Variants in USH2A observed in about 807,000 individuals in gnomAD.
USH2A encodes the protein usherin.
A neutral mutation model predicts 538.9 loss-of-function variants in USH2A; 443 were observed. The ratio of observed to expected loss-of-function variants is 0.82; its 90% CI spans 0.76 to 0.89. USH2A has a LOEUF of 0.89. Ranked by LOEUF, USH2A falls within the 40% of genes least tolerant of loss-of-function variation. The pLI, the probability that USH2A is intolerant of heterozygous loss-of-function variation, is 0.00. For synonymous variants in USH2A, 2,413 were observed against 2,273.5 expected (o/e 1.06, Z -1.75); for missense variants, 6,633 against 6,324.8 (o/e 1.05, Z -1.65).
Position 216,065,434 on chromosome 1 carries a change from T to TA in USH2A, c.6049+4666dup, listed in dbSNP as rs1223361032. Reference sequence around the variant, plus strand: ...AGAATATTGAACATTTTAAGGGTGTTATATTAACTACATAAAATATTTTTT... The same window carrying TA: ...AGAATATTGAACATTTTAAGGGTGTTAATATTAACTACATAAAATATTTTTT... On this transcript the variant is annotated intron_variant, in intron 30 of 71. Transcript: ENST00000307340. Among the ~76,000 whole-genome samples, 5 of 152,262 alleles carry TA rather than the reference T, an allele frequency of 3.3e-5. No homozygotes were observed. In the East Asian group the frequency reaches 9.6e-4, roughly 29 times the overall value.
intron 23 of USH2A, among the ~76,000 whole-genome samples, chr1:216,088,095 A>G (rs1429308448): frequency 6.6e-6 from 1 of 152,106 alleles, no homozygotes; most frequent in Non-Finnish European, 1.5e-5. Flanking sequence ...GGTCCTTGAC[A>G]TGCCACATGT....
intron 58 of USH2A, among the ~76,000 whole-genome samples, chr1:215,745,748 A>G (rs975505891): frequency 1.3e-5 from 2 of 152,236 alleles, no homozygotes; most frequent in African/African-American, 2.4e-5. Context: ...ATCAACACTT[A>G]TATCAATATA....
At chr1:216,201,700 CT>C in intron 16 of USH2A, 1 of 210,748 alleles carries the variant, frequency 4.7e-6, no homozygotes, top group Non-Finnish European at 1.1e-5. Flanking sequence ...TGGGGGGCAC[CT>C]TGGGCACTGA....
chr1:216,382,147 C>T (rs1558063548), intron 3 of USH2A, among the ~76,000 whole-genome samples: 2 of 152,030 alleles, frequency 1.3e-5, no homozygotes, highest in Admixed American at 6.6e-5. Context: ...GGGAACAACA[C>T]TAAATAAGGT....
intron 9 of USH2A, among the ~76,000 whole-genome samples, chr1:216,316,504 T>C (rs941295976): frequency 6.6e-6 from 1 of 152,116 alleles, no homozygotes; most frequent in Non-Finnish European, 1.5e-5. Context: ...AGGATATACA[T>C]AGTAGTGAAT....
chr1:215,768,741 C>A (rs1159795077), intron 55 of USH2A, among the ~76,000 whole-genome samples: 1 of 152,170 alleles, frequency 6.6e-6, no homozygotes, highest in African/African-American at 2.4e-5. Flanking sequence ...TTTAGCTCGA[C>A]AATGTCTCCC....
intron 4 of USH2A, among the ~76,000 whole-genome samples, chr1:216,345,516 T>G (rs1571724004): frequency 6.6e-6 from 1 of 152,146 alleles, no homozygotes; most frequent in Non-Finnish European, 1.5e-5. Flanking sequence ...CCAGTGAGAC[T>G]TCTGTCCTCT....
intron 26 of USH2A, 43 bp downstream of exon 26, chr1:216,083,413 G>A (rs1292148019): frequency 1.3e-6 from 2 of 1,593,350 alleles, no homozygotes; most frequent in South Asian, 2.2e-5. Context: ...TTAAAGTTGG[G>A]TCCTATATTT....
chr1:216,267,450 G>A (rs990581089), intron 11 of USH2A, among the ~76,000 whole-genome samples: 3 of 152,026 alleles, frequency 2.0e-5, no homozygotes, highest in Admixed American at 2.0e-4. Context: ...TGAGACCATC[G>A]CCACAGAAGA....
chr1:215,786,923 A>T, intron 51 of USH2A, 49 bp from the exon 52 acceptor site: 1 of 1,574,824 alleles, frequency 6.3e-7, no homozygotes, highest in East Asian at 2.2e-5. Context: ...TAAAAATTTC[A>T]TTTAGACATA....
rs897445139 is a variant in USH2A, at chr1:216,367,569, A to G, written c.652-2484T>C. Among the ~76,000 whole-genome samples the G allele has an allele frequency of 7.2e-5, 11 of 152,168 alleles. No homozygotes were observed. The East Asian group carries it at 1.7e-3, about 24-fold the overall frequency. On this transcript the variant is annotated intron_variant, in intron 3 of 71. Transcript: ENST00000307340. The stretch of plus-strand genomic sequence containing the variant: ...AACTCATCACATATTTGCTTAGTAG[A>G]AGAATTCAGTGTCACTTGCAGTGAA...
chr1:216,252,211 A>G (rs961097180), intron 11 of USH2A, among the ~76,000 whole-genome samples: 5 of 152,232 alleles, frequency 3.3e-5, no homozygotes, highest in Non-Finnish European at 7.3e-5. Context: ...TAAACTCTTC[A>G]TAAGTGGACA....
At chr1:216,203,227 A>ATG (rs2035036800) in intron 16 of USH2A, among the ~76,000 whole-genome samples, 1 of 151,852 alleles carries the variant, frequency 6.6e-6, no homozygotes, top group Non-Finnish European at 1.5e-5. Flanking sequence ...ACATACATAT[A>ATG]TGTATATATA....
At chr1:215,966,841 G>A (rs1453377938) in intron 36 of USH2A, among the ~76,000 whole-genome samples, 1 of 152,034 alleles carries the variant, frequency 6.6e-6, no homozygotes, top group African/African-American at 2.4e-5. Flanking sequence ...GAAGAATTAA[G>A]GGCAATTCCA....
chr1:215,889,625 G>T (rs981816159), intron 40 of USH2A, among the ~76,000 whole-genome samples: 10 of 152,120 alleles, frequency 6.6e-5, no homozygotes, highest in African/African-American at 2.4e-4. Context: ...GACAGAAGCT[G>T]CCGATTTAGC....
At chr1:215,627,450 TTCC>T (rs1656089395) in intron 71 of USH2A, among the ~76,000 whole-genome samples, 14 of 136,272 alleles carry the variant, frequency 1.0e-4, no homozygotes, top group Non-Finnish European at 1.5e-4. Flanking sequence ...CCTTCCTTCC[TTCC>T]TTCCTTCCTT....
chr1:216,022,370 T>C (rs949366890), intron 32 of USH2A, among the ~76,000 whole-genome samples: 16 of 152,096 alleles, frequency 1.1e-4, no homozygotes, highest in African/African-American at 3.9e-4. Flanking sequence ...CAGATATCTC[T>C]GAACATTGTG....
intron 47 of USH2A, among the ~76,000 whole-genome samples, chr1:215,822,830 T>A (rs898554288): frequency 6.6e-6 from 1 of 152,016 alleles, no homozygotes; most frequent in African/African-American, 2.4e-5. Flanking sequence ...TAAAGCCATA[T>A]TGAATTTTAT....
chr1:216,350,174 G>A (rs1460135215), intron 4 of USH2A, among the ~76,000 whole-genome samples: 1 of 152,066 alleles, frequency 6.6e-6, no homozygotes, highest in African/African-American at 2.4e-5. Context: ...AATCATTCAT[G>A]AAAAATCCAC....
Sources: gnomAD v4.1 joint callset for allele counts (sites outside exome capture counted in the v4.1 genomes callset) on GRCh38, gnomAD v4.1.1 for gene constraint, MANE v1.5 for transcripts, NCBI Gene and HGNC (gene_info 2026-07-23, HGNC 2026-07-21) for gene names.